The following AMER3 variants were observed in gnomAD, a reference collection of about 807,000 sequenced individuals.
AMER3 encodes APC membrane recruitment protein 3.
For missense variants in AMER3, 1,201 were observed against 1,139.4 expected, an observed-to-expected ratio of 1.05 and a Z score of -0.78; for synonymous variants, 541 against 485.5, an observed-to-expected ratio of 1.11 and a Z score of -1.50.
Position 130,764,512 on chromosome 2 carries a change from G to A in AMER3, c.2440G>A (p.Gly814Ser). 6.2e-7 allele frequency: 1 copy of A among 1,602,534 alleles called. No individual in the cohort carries two copies. Among genetic ancestry groups the A allele is most frequent in the Non-Finnish European group, 8.5e-7 (1 of 1,175,214 alleles). ...CCAGGGCCACCATCCAGAAAGCCTG[G>A]GCCTCACTTTGAACAGCCAGCAGGA... ...SSQGHHPESL[G>S]LTLNSQQEGG... The change falls in exon 2 of 2, where the codon GGC becomes AGC. Residue 814 changes from glycine to serine, a missense_variant. Gly to Ser is a moderately conservative substitution (Grantham distance 56). Transcript: ENST00000321420.
chr2:130,767,090 G>A lies in AMER3; in HGVS notation c.*2432G>A, dbSNP rs1679004119. On this transcript the variant is annotated 3_prime_UTR_variant, in exon 2 of 2. Coordinates refer to ENST00000321420, the MANE Select transcript of AMER3 (RefSeq NM_152698.3). ...GGCTGTGGACCTCACTCCCCAAAAT[G>A]TCACAACACATGTGCAGCACCCCGA... 6.0e-6 allele frequency: 1 copy of A among 167,066 alleles called. No individual in the cohort carries two copies. The highest frequency in any genetic ancestry group is 1.5e-5 in the Non-Finnish European group (1 of 68,160). The allele number at this position is 167,066 out of a possible 1,614,324, so 10.3% of individuals were successfully genotyped here.
chr2:130,763,365 G>A lies in AMER3; in HGVS notation c.1293G>A (p.Glu431=), dbSNP rs1317346756. ...ACGAGCTCTTCCACGACCCCAGCGA[G>A]GGTCCTCTTGGCCCCAGCCCAGATG... ...ALYELFHDPS[E]GPLGPSPDDD... is the part of the protein sequence containing the mutation. Residue 431 remains glutamate (E), a synonymous_variant, in exon 2 of 2, where the codon GAG becomes GAA. Transcript: ENST00000321420. 3 of 1,613,180 alleles carry A rather than the reference G, an allele frequency of 1.9e-6. No homozygotes were observed. The highest frequency in any genetic ancestry group is 2.7e-5 in the African/African-American group (2 of 74,934).
In AMER3 at chr2:130,761,285, A is replaced by T. The variant is rs144918189; in HGVS notation, c.-19-769A>T. 1.2e-3 allele frequency among the ~76,000 whole-genome samples: 177 copies of T among 152,160 alleles called. 1 individual carries two copies. The highest frequency in any genetic ancestry group is 4.0e-3 in the African/African-American group (166 of 41,512). ...CTCCATGCCCAGGGCAGATCCCAGG[A>T]CCCTTTCCCATTGAACTCAGACCAG... On this transcript the variant is annotated intron_variant, in intron 1 of 1. Transcript: ENST00000321420.
At chr2:130,756,270 G>A (rs1180407762) in intron 1 of AMER3, 1 of 147,742 alleles carries the variant, frequency 6.8e-6, no homozygotes, top group Non-Finnish European at 1.5e-5. Context: ...TCCCCCTCCC[G>A]GCCGCGGCGC....
chr2:130,761,947 C>A, intron 1 of AMER3, 107 bp from the exon 2 acceptor site: 1 of 1,093,042 alleles, frequency 9.1e-7, no homozygotes, highest in Non-Finnish European at 1.3e-6. Context: ...TCTCCTGGGA[C>A]AGAGGCCCCT....
rs1678937453 is a variant in AMER3 at position 130,764,771 on chromosome 2, G to A, written c.*113G>A. 7.7e-7 allele frequency: 1 copy of A among 1,305,378 alleles called. No homozygotes were observed. 80.9% of individuals were successfully genotyped at this position (1,305,378 alleles called of 1,614,324 possible). A position where few individuals can be genotyped will look rare whatever the true frequency, so the allele number is the denominator to read the frequency against. ...GATGTGGGGACTGTGTTGGGGGTGG[G>A]GGGTGGCAGGACTCAGGCATGCAGA... On this transcript the variant is annotated 3_prime_UTR_variant, in exon 2 of 2. Coordinates refer to ENST00000321420, the MANE Select transcript of AMER3 (RefSeq NM_152698.3).
At position 130,762,861 on chromosome 2, in the gene AMER3, G is replaced by A. The variant is rs1379643766; in HGVS notation, c.789G>A (p.Leu263=). 4 of 1,613,286 alleles carry A rather than the reference G, an allele frequency of 2.5e-6. No individual in the cohort carries two copies. The African/African-American group carries it at 5.3e-5, about 22-fold the overall frequency. ...VFADESSVPS[L]ELNEGPESPT... ...CAGATGAGAGCTCGGTGCCATCTCT[G>A]GAGCTGAACGAGGGCCCGGAGAGCC... is the stretch of plus-strand genomic sequence containing the variant. The change falls in exon 2 of 2, where the codon CTG becomes CTA. Residue 263 remains leucine, a synonymous_variant. Coordinates refer to ENST00000321420, the MANE Select transcript of AMER3 (RefSeq NM_152698.3).
rs1330296482 is a variant in AMER3, at chr2:130,759,253, A to G, written c.-19-2801A>G. Reference sequence around the variant, plus strand: ...TTAGTGTCACTGAGTCCAGCCATCTATAGCAATGACAGTTATTTTAAAGGA... The same window carrying G: ...TTAGTGTCACTGAGTCCAGCCATCTGTAGCAATGACAGTTATTTTAAAGGA... On this transcript the variant is annotated intron_variant, in intron 1 of 1. Transcript: ENST00000321420. 3.3e-5 allele frequency among the ~76,000 whole-genome samples: 5 copies of G among 152,266 alleles called. No individual in the cohort carries two copies. The South Asian group carries it at 1.0e-3, about 32-fold the overall frequency.
rs1033432310 is a variant in AMER3 at position 130,766,680 on chromosome 2, T to G, written c.*2022T>G. The G allele has an allele frequency of 6.5e-6, 1 of 154,524 alleles. No individual in the cohort carries two copies. 9.6% of individuals were successfully genotyped at this position (154,524 alleles called of 1,614,324 possible). ...CCTGGCTAATTTTTCTATTTTTTTG[T>G]AGAGACGGGTTTTCGCCATGTTGCC... On this transcript the variant is annotated 3_prime_UTR_variant, in exon 2 of 2. Coordinates refer to ENST00000321420, the MANE Select transcript of AMER3 (RefSeq NM_152698.3).
Position 130,762,135 on chromosome 2 carries a change from C to G in AMER3, c.63C>G (p.Pro21=), listed in dbSNP as rs1427842517. 6.2e-7 allele frequency: 1 copy of G among 1,610,454 alleles called. No individual in the cohort carries two copies. Among genetic ancestry groups the G allele is most frequent in the Non-Finnish European group, 8.5e-7 (1 of 1,178,800 alleles). Residue 21 remains proline, a synonymous_variant, in exon 2 of 2, where the codon CCC becomes CCG. Transcript: ENST00000321420. ...KSSLQVSHEK[P]PDPAAVAAAR... is the part of the protein sequence containing the mutation. ...GCCTGCAGGTTTCCCACGAGAAACCCCCAGACCCAGCAGCCGTGGCTGCAG... is the reference window on the plus strand; with the variant it reads ...GCCTGCAGGTTTCCCACGAGAAACCGCCAGACCCAGCAGCCGTGGCTGCAG...
chr2:130,762,164 G>A lies in AMER3; in HGVS notation c.92G>A (p.Arg31Lys). The A allele has an allele frequency of 1.2e-6, 2 of 1,605,880 alleles. No homozygotes were observed. Among genetic ancestry groups the A allele is most frequent in the Middle Eastern group, 3.3e-4 (2 of 6,048 alleles). ...GACCCAGCAGCCGTGGCTGCAGCCA[G>A]GGAGGGGACAGGCCCCTGGTCAGTC... ...PPDPAAVAAAREGTGPWSVLP... is the reference protein window; with the variant it reads ...PPDPAAVAAAKEGTGPWSVLP... The change falls in exon 2 of 2, where the codon AGG (arginine) becomes AAG (lysine). Residue 31 changes from arginine (R) to lysine (K), a missense_variant. By Grantham distance (26) the Arg-to-Lys change is conservative. Coordinates refer to ENST00000321420, the MANE Select transcript of AMER3 (RefSeq NM_152698.3).
chr2:130,756,718 TC>T (rs1438544650), intron 1 of AMER3, among the ~76,000 whole-genome samples: 6 of 152,006 alleles, frequency 3.9e-5, no homozygotes, highest in African/African-American at 1.4e-4. Context: ...GCCAGGACCT[TC>T]CCTCCCCAGA....
rs982735094 is a variant in AMER3, at chr2:130,763,896, C to G, written c.1824C>G (p.His608Gln). Residue 608 changes from histidine to glutamine, a missense_variant, in exon 2 of 2, where the codon CAC (histidine) becomes CAG (glutamine). By Grantham distance (24) the His-to-Gln change is conservative. Coordinates refer to ENST00000321420, the MANE Select transcript of AMER3 (RefSeq NM_152698.3). ...CTCGAGAGGAAGAGACACGAGGTCA[C>G]TCTGAAGGCTTGTTCTCCTCTATGG... ...DASREEETRG[H>Q]SEGLFSSMES... 1.2e-6 allele frequency: 2 copies of G among 1,613,606 alleles called. No homozygotes were observed. The highest frequency in any genetic ancestry group is 1.7e-6 in the Non-Finnish European group (2 of 1,180,018).
rs1678900369 is a variant in AMER3, at chr2:130,763,994, C to A, written c.1922C>A (p.Ser641Tyr). The A allele has an allele frequency of 1.2e-6, 2 of 1,613,430 alleles. No homozygotes were observed. The change falls in exon 2 of 2, where the codon TCC becomes TAC. Residue 641 changes from serine to tyrosine, a missense_variant. Transcript: ENST00000321420. ...KAPVPSTWPC[S>Y]QKEPGPPGVL... ...CCAGTTCCTTCTACCTGGCCCTGCTCCCAGAAGGAGCCTGGGCCACCAGGG... is the reference window on the plus strand; with the variant it reads ...CCAGTTCCTTCTACCTGGCCCTGCTACCAGAAGGAGCCTGGGCCACCAGGG...
rs902355881 is a variant in AMER3 at position 130,763,975 on chromosome 2, C to T, written c.1903C>T (p.Pro635Ser). The change falls in exon 2 of 2, where the codon CCT becomes TCT. Residue 635 changes from proline to serine, a missense_variant. Transcript: ENST00000321420. ...DTSGKNKAPVPSTWPCSQKEP... is the reference protein window; with the variant it reads ...DTSGKNKAPVSSTWPCSQKEP... ...TTCCGGTAAAAATAAGGCCCCAGTT[C>T]CTTCTACCTGGCCCTGCTCCCAGAA... 7 of 1,613,706 alleles carry T rather than the reference C, an allele frequency of 4.3e-6. No homozygotes were observed. In the African/African-American group the frequency reaches 9.3e-5, roughly 21 times the overall value.
Position 130,762,533 on chromosome 2 carries a change from A to C in AMER3, c.461A>C (p.Lys154Thr). The C allele has an allele frequency of 6.2e-7, 1 of 1,613,476 alleles. No individual in the cohort carries two copies. Among genetic ancestry groups the C allele is most frequent in the Non-Finnish European group, 8.5e-7 (1 of 1,180,008 alleles). ...ATCCCGAGGAAGAGGATTTCCCTGA[A>C]GAGGCCCAAGAAGTGCTTTCGGAAC... ...KSIPRKRISL[K>T]RPKKCFRNLF... Residue 154 changes from lysine to threonine, a missense_variant, in exon 2 of 2, where the codon AAG becomes ACG. By Grantham distance (78) the Lys-to-Thr change is moderately conservative. Coordinates refer to ENST00000321420, the MANE Select transcript of AMER3 (RefSeq NM_152698.3).
At position 130,763,340 on chromosome 2, in the gene AMER3, A is replaced by G; in HGVS notation, c.1268A>G (p.Tyr423Cys). 1.2e-6 allele frequency: 2 copies of G among 1,613,362 alleles called. No homozygotes were observed. Among genetic ancestry groups the G allele is most frequent in the Non-Finnish European group, 1.7e-6 (2 of 1,179,980 alleles). Residue 423 changes from tyrosine to cysteine, a missense_variant, in exon 2 of 2, where the codon TAC (tyrosine) becomes TGC (cysteine). Coordinates refer to ENST00000321420, the MANE Select transcript of AMER3 (RefSeq NM_152698.3). ...GACAGCTACAGTGGGGACGCCCTCT[A>G]CGAGCTCTTCCACGACCCCAGCGAG... is the stretch of plus-strand genomic sequence containing the variant. ...PRDSYSGDAL[Y>C]ELFHDPSEGP...
intron 1 of AMER3, among the ~76,000 whole-genome samples, chr2:130,761,542 G>A (rs925950792): frequency 1.3e-5 from 2 of 152,192 alleles, no homozygotes; most frequent in African/African-American, 4.8e-5. Flanking sequence ...CCCTGCACAG[G>A]CACACAGTCC....
Position 130,763,209 on chromosome 2 carries a change from C to T in AMER3, c.1137C>T (p.Ser379=), listed in dbSNP as rs369215574. The change falls in exon 2 of 2, where the codon TCC becomes TCT. Residue 379 remains serine (S), a synonymous_variant. Transcript: ENST00000321420. ...TGTPKSEQPE[S]VSTSDEGYYD... ...CCCCCAAGAGCGAGCAGCCCGAATC[C>T]GTGTCCACAAGTGACGAGGGCTACT... 6.2e-6 allele frequency: 10 copies of T among 1,613,822 alleles called. No homozygotes were observed. The highest frequency in any genetic ancestry group is 1.7e-5 in the Admixed American group (1 of 60,024).
Sources: gnomAD v4.1 joint callset for allele counts (sites outside exome capture counted in the v4.1 genomes callset) on GRCh38, gnomAD v4.1.1 for gene constraint, MANE v1.5 for transcripts, NCBI Gene and HGNC (gene_info 2026-07-23, HGNC 2026-07-21) for gene names.